WDR49: variants seen among roughly 807,000 people sequenced by gnomAD.
WDR49 encodes the protein WD repeat domain 49.
WDR49 carries 107 observed loss-of-function variants against 119.5 expected under a neutral mutation model. The observed-to-expected ratio is 0.90, with a 90% confidence interval of 0.77 to 1.05. The LOEUF is 1.05. Among genes scored for constraint, WDR49 ranks in the 50% least tolerant of loss-of-function variants. WDR49 has a pLI of 0.00. For synonymous variants in WDR49, 425 were observed against 418.8 expected, an observed-to-expected ratio of 1.01 and a Z score of -0.18; for missense variants, 1,240 against 1,220.5, an observed-to-expected ratio of 1.02 and a Z score of -0.24.
chr3:167,615,921 G>A (rs1278113596), intron 5 of WDR49, among the ~76,000 whole-genome samples: 1 of 152,192 alleles, frequency 6.6e-6, no homozygotes, highest in African/African-American at 2.4e-5. Context: ...ACCATGTGCA[G>A]AAGGATACTT....
intron 18 of WDR49, among the ~76,000 whole-genome samples, chr3:167,490,305 G>A (rs970819659): frequency 6.6e-5 from 10 of 152,076 alleles, no homozygotes; most frequent in African/African-American, 2.4e-4. Context: ...TGGTCTGTGT[G>A]TGTTGTATTT....
In WDR49 at chr3:167,515,679, G is replaced by T. The variant is rs575657997; in HGVS notation, c.2774+6636C>A. ...AAAGAAATAAAGCGTATTCAAATAG[G>T]AAGAAAGGAAGTCAAACTCTCTCTG... is the stretch of plus-strand genomic sequence containing the variant. On this transcript the variant is annotated intron_variant, in intron 16 of 18. Coordinates refer to ENST00000682715, the MANE Select transcript of WDR49 (RefSeq NM_001366157.1). Among the ~76,000 whole-genome samples, 7 of 152,276 alleles carry T rather than the reference G, an allele frequency of 4.6e-5. No individual in the cohort carries two copies. The East Asian group carries it at 1.2e-3, about 25-fold the overall frequency.
chr3:167,639,402 C>T (rs1211823768), intron 2 of WDR49, among the ~76,000 whole-genome samples: 1 of 151,608 alleles, frequency 6.6e-6, no homozygotes, highest in Admixed American at 6.6e-5. Context: ...TCACATAGTT[C>T]ACTATTAGCA....
chr3:167,480,605 G>T (rs950503284), intron 18 of WDR49, among the ~76,000 whole-genome samples: 2 of 152,014 alleles, frequency 1.3e-5, no homozygotes, highest in African/African-American at 4.8e-5. Flanking sequence ...AAAGCAACCA[G>T]GAAAATTACA....
chr3:167,529,153 C>CT lies in WDR49; in HGVS notation c.2304_2305insA (p.Ala769SerfsTer3). 1 of 1,612,102 alleles carries CT rather than the reference C, an allele frequency of 6.2e-7. No homozygotes were observed. ...ATAATCGATCCAACTCCACTATGAG[C>CT]CAAAAATTCAGCCAGAAGTTGCTTC... is the stretch of plus-strand genomic sequence containing the variant. On this transcript the variant is annotated frameshift_variant, in exon 14 of 19. Coordinates refer to ENST00000682715, the MANE Select transcript of WDR49 (RefSeq NM_001366157.1). LOFTEE classifies it high-confidence loss of function.
At chr3:167,557,004 G>A (rs968947791) in intron 9 of WDR49, among the ~76,000 whole-genome samples, 1 of 151,916 alleles carries the variant, frequency 6.6e-6, no homozygotes, top group Non-Finnish European at 1.5e-5. Flanking sequence ...TAGCCTGAGT[G>A]ACAGAGTGAG....
chr3:167,499,071 A>G (rs1221122305), intron 18 of WDR49, among the ~76,000 whole-genome samples: 2 of 152,240 alleles, frequency 1.3e-5, no homozygotes, highest in Non-Finnish European at 2.9e-5. Flanking sequence ...GAGCAAGCAA[A>G]GAGAAATTCT....
In WDR49 at chr3:167,531,175, C is replaced by T; in HGVS notation, c.2158G>A (p.Gly720Ser). The T allele has an allele frequency of 6.2e-7, 1 of 1,611,858 alleles. No homozygotes were observed. The highest frequency in any genetic ancestry group is 8.5e-7 in the Non-Finnish European group (1 of 1,179,402). Residue 720 changes from glycine (G) to serine (S), a missense_variant, in exon 13 of 19, where the codon GGC (glycine) becomes AGC (serine). Physicochemically the swap from Gly to Ser is moderately conservative, Grantham distance 56 (BLOSUM62 0). Coordinates refer to ENST00000682715, the MANE Select transcript of WDR49 (RefSeq NM_001366157.1). ...CAAAGTCTCATAACAGCATTTTTGC[C>T]CTCAGTGTCAATCTCAAAGTTGCGG... Reference protein sequence around the residue: ...GVRNFEIDTEGKNAVMRLCFL... With the variant: ...GVRNFEIDTESKNAVMRLCFL...
intron 2 of WDR49, among the ~76,000 whole-genome samples, chr3:167,639,806 C>A (rs1421778933): frequency 6.6e-6 from 1 of 151,718 alleles, no homozygotes; most frequent in South Asian, 2.1e-4. Flanking sequence ...TTTTGTTCTG[C>A]CATCCTTTCA....
intron 8 of WDR49, among the ~76,000 whole-genome samples, chr3:167,571,217 G>A (rs962063767): frequency 6.6e-6 from 1 of 152,050 alleles, no homozygotes; most frequent in Admixed American, 6.6e-5. Context: ...AGAGGGTCTA[G>A]TATTCAAATT....
chr3:167,560,611 A>C (rs1229093458), intron 8 of WDR49, among the ~76,000 whole-genome samples: 1 of 152,228 alleles, frequency 6.6e-6, no homozygotes, highest in African/African-American at 2.4e-5. Context: ...ACATTTTATA[A>C]TATAGCAGCT....
At chr3:167,645,213 A>T (rs9822958) in intron 2 of WDR49, among the ~76,000 whole-genome samples, 44,971 of 151,526 alleles carry the variant, frequency 0.3, 7,145 homozygotes, top group African/African-American at 0.42. Context: ...TTATTTATTT[A>T]TTTATTTTTA....
intron 8 of WDR49, among the ~76,000 whole-genome samples, chr3:167,568,801 G>T (rs1417591722): frequency 4.6e-5 from 7 of 152,098 alleles, no homozygotes; most frequent in African/African-American, 1.7e-4. Flanking sequence ...TACTGAGATG[G>T]GTAATTTAAT....
intron 10 of WDR49, among the ~76,000 whole-genome samples, chr3:167,548,302 C>T (rs1410191124): frequency 3.9e-5 from 6 of 152,064 alleles, no homozygotes; most frequent in South Asian, 2.1e-4. Flanking sequence ...TCAGATTCCT[C>T]GGCACTTGTA....
intron 16 of WDR49, among the ~76,000 whole-genome samples, chr3:167,509,475 G>A (rs1216282498): frequency 6.6e-6 from 1 of 152,152 alleles, no homozygotes; most frequent in African/African-American, 2.4e-5. Flanking sequence ...CCTGAAAAAT[G>A]TTTACTTTCA....
rs773445113 is a variant in WDR49 at position 167,500,281 on chromosome 3, T to C, written c.2903A>G (p.Asn968Ser). Residue 968 changes from asparagine (N) to serine (S), a missense_variant, in exon 18 of 19, where the codon AAC (asparagine) becomes AGC (serine). Transcript: ENST00000682715. ...AGGCAGCTCTTCCAGGGCTCCAATG[T>C]TTAATGACCTAAATGTACCTTCACA... ...KKSFSTFRSLNIGALEELPEV... is the reference protein window; with the variant it reads ...KKSFSTFRSLSIGALEELPEV... 6.2e-6 allele frequency: 10 copies of C among 1,604,618 alleles called. No homozygotes were observed. In the African/African-American group the frequency reaches 1.3e-4, roughly 22 times the overall value.
intron 7 of WDR49, 101 bp from the exon 8 acceptor site, chr3:167,576,252 G>T (rs1714247722): frequency 2.2e-6 from 2 of 922,254 alleles, no homozygotes; most frequent in South Asian, 1.6e-5. Flanking sequence ...GCAGACAGTT[G>T]TTTCCTCCAC....
rs562816671 is a variant in WDR49, at chr3:167,509,417, T to C, written c.2775-4001A>G. On this transcript the variant is annotated intron_variant, in intron 16 of 18. Transcript: ENST00000682715. ...GCCATAGGAGTTAGTCTAGTAGACT[T>C]TGAATACCCCTTTAAAATTTATTAT... Among the ~76,000 whole-genome samples the C allele has an allele frequency of 2.0e-4, 30 of 152,188 alleles. 1 individual carries two copies. The highest frequency in any genetic ancestry group is 4.4e-5 in the Non-Finnish European group (3 of 68,028).
intron 3 of WDR49, among the ~76,000 whole-genome samples, chr3:167,622,622 G>A (rs994965637): frequency 2.0e-5 from 3 of 152,034 alleles, no homozygotes; most frequent in African/African-American, 7.2e-5. Context: ...AATAACAGTG[G>A]GATATTTCAA....
Sources: gnomAD v4.1 joint callset for allele counts (sites outside exome capture counted in the v4.1 genomes callset) on GRCh38, gnomAD v4.1.1 for gene constraint, MANE v1.5 for transcripts, NCBI Gene and HGNC (gene_info 2026-07-23, HGNC 2026-07-21) for gene names.